The following NYAP2 variants were observed in gnomAD, a reference collection of about 807,000 sequenced individuals.
NYAP2 encodes neuronal tyrosine-phosphorylated phosphoinositide-3-kinase adaptor 2.
In NYAP2, 23 loss-of-function variants were observed where a neutral mutation model predicts 50.4. The observed-to-expected ratio is 0.46, with a 90% confidence interval of 0.33 to 0.65. The LOEUF is 0.65. NYAP2 is among the 30% of genes least tolerant of loss of function. The probability of loss-of-function intolerance (pLI) is 0.02; values close to 1 mark genes in which losing one functional copy is unlikely to be tolerated. For missense variants in NYAP2, 885 were observed against 861.0 expected, an observed-to-expected ratio of 1.03 and a Z score of -0.35; for synonymous variants, 394 against 365.2, an observed-to-expected ratio of 1.08 and a Z score of -0.90.
intron 3 of NYAP2, among the ~76,000 whole-genome samples, chr2:225,440,423 C>T (rs10184030): frequency 0.058 from 8,874 of 152,172 alleles, 744 homozygotes; most frequent in African/African-American, 0.18. Flanking sequence ...TGGGATATGA[C>T]GGTTTGTGTT....
upstream of NYAP2, among the ~76,000 whole-genome samples, chr2:225,399,478 G>A (rs530133482): frequency 5.3e-5 from 8 of 151,952 alleles, no homozygotes; most frequent in Admixed American, 2.6e-4. Context: ...TTAACAATGA[G>A]TCTATAGGAA....
chr2:225,655,432 G>C (rs766239015), downstream of NYAP2, among the ~76,000 whole-genome samples: 1 of 152,136 alleles, frequency 6.6e-6, no homozygotes, highest in Non-Finnish European at 1.5e-5. Context: ...TTGGAAATCA[G>C]ACTGAATTTT....
At chr2:225,493,309 T>A (rs1376273906) in intron 3 of NYAP2, among the ~76,000 whole-genome samples, 2 of 152,180 alleles carry the variant, frequency 1.3e-5, no homozygotes, top group Admixed American at 1.3e-4. Flanking sequence ...TATGTTTTTT[T>A]AAAAAGTCTG....
chr2:225,672,250 T>G, the NYAP2 span, among the ~76,000 whole-genome samples: 1 of 152,128 alleles, frequency 6.6e-6, no homozygotes, highest in Non-Finnish European at 1.5e-5. Context: ...CCTTCATCAG[T>G]TATTTTAGCT....
chr2:225,582,541 C>T lies in NYAP2; in HGVS notation c.1124C>T (p.Pro375Leu). ...GAAAACGTGTCTTACATGAAACAGC[C>T]AGCCGGGGCGTCGCCCTCCACGCTG... Residue 375 changes from proline (P) to leucine (L), a missense_variant, in exon 5 of 7, where the codon CCA becomes CTA. Pro to Leu is a moderately conservative substitution (Grantham distance 98, BLOSUM62 -3). Coordinates refer to ENST00000636099, the Ensembl canonical transcript of NYAP2. This position sits in a 1 kb window ranked among gnomAD's most constrained non-coding sequence, Gnocchi z 7.0. 6.3e-7 allele frequency: 1 copy of T among 1,575,662 alleles called. No individual in the cohort carries two copies. The highest frequency in any genetic ancestry group is 1.2e-5 in the South Asian group (1 of 85,178).
At chr2:225,498,951 C>A (rs573974683) in intron 3 of NYAP2, among the ~76,000 whole-genome samples, 4 of 151,828 alleles carry the variant, frequency 2.6e-5, no homozygotes, top group Non-Finnish European at 4.4e-5. Flanking sequence ...GTTGAGAGGG[C>A]GAATAGATGT....
chr2:225,694,438 C>T, the NYAP2 span, among the ~76,000 whole-genome samples: 1 of 151,578 alleles, frequency 6.6e-6, no homozygotes, highest in African/African-American at 2.4e-5. Flanking sequence ...ATATCCAAAA[C>T]AATGAATGAA....
chr2:225,575,031 G>A (rs1409181542), intron 4 of NYAP2, among the ~76,000 whole-genome samples: 3 of 152,054 alleles, frequency 2.0e-5, no homozygotes, highest in South Asian at 2.1e-4. Context: ...TTAGTGCTCT[G>A]TCTCCTGCAA....
At chr2:225,403,197 A>G (rs1349608556) in intron 2 of NYAP2, among the ~76,000 whole-genome samples, 1 of 152,030 alleles carries the variant, frequency 6.6e-6, no homozygotes, top group African/African-American at 2.4e-5. Context: ...AAGAAGATGC[A>G]ATGATTGGAG....
At position 225,465,165 on chromosome 2, in the gene NYAP2, G is replaced by C. The variant is rs143207085; in HGVS notation, c.222-48206G>C. On this transcript the variant is annotated intron_variant, in intron 3 of 6. Transcript: ENST00000636099. ...CAAAAGCAAATAGATGAGAAGTGGAGGACATATCGACTTACCCTTTGGGCA... is the reference window on the plus strand; with the variant it reads ...CAAAAGCAAATAGATGAGAAGTGGACGACATATCGACTTACCCTTTGGGCA... Among the ~76,000 whole-genome samples the C allele has an allele frequency of 1.1e-4, 17 of 152,248 alleles. No homozygotes were observed. The Middle Eastern group carries it at 0.01, about 91-fold the overall frequency.
chr2:225,671,151 C>G, the NYAP2 span, among the ~76,000 whole-genome samples: 1 of 152,054 alleles, frequency 6.6e-6, no homozygotes, highest in East Asian at 1.9e-4. Flanking sequence ...CAAAAGATTC[C>G]TCTGTAGAAT....
chr2:225,694,647 T>G, the NYAP2 span, among the ~76,000 whole-genome samples: 3 of 151,976 alleles, frequency 2.0e-5, no homozygotes, highest in Admixed American at 1.3e-4. Context: ...CTATGTTTAT[T>G]TATCACATCT....
At chr2:225,666,841 C>G in the NYAP2 span, among the ~76,000 whole-genome samples, 26 of 144,568 alleles carry the variant, frequency 1.8e-4, no homozygotes, top group East Asian at 1.1e-3. Flanking sequence ...TATTCCCCCC[C>G]CTCCATGCCC....
chr2:225,632,419 T>C (rs963006288), intron 6 of NYAP2, among the ~76,000 whole-genome samples: 1 of 152,204 alleles, frequency 6.6e-6, no homozygotes, highest in Non-Finnish European at 1.5e-5. Context: ...CACACTGATA[T>C]ACATACAAAC....
exon 7 of NYAP2, chr2:225,651,669 G>A: frequency 1.7e-6 from 2 of 1,144,616 alleles, no homozygotes; most frequent in East Asian, 2.4e-5. Context: ...TATGGGTTAG[G>A]GGATGCGGGG....
chr2:225,434,476 T>C (rs533160678), intron 3 of NYAP2, among the ~76,000 whole-genome samples: 14 of 152,348 alleles, frequency 9.2e-5, no homozygotes, highest in Non-Finnish European at 1.8e-4. Flanking sequence ...ATTCTTTGAA[T>C]TTTCATGAAG....
At chr2:225,494,435 A>G (rs1256324860) in intron 3 of NYAP2, among the ~76,000 whole-genome samples, 1 of 152,216 alleles carries the variant, frequency 6.6e-6, no homozygotes, top group Non-Finnish European at 1.5e-5. Flanking sequence ...CATTCATTGT[A>G]TAGGTCCAGT....
intron 4 of NYAP2, among the ~76,000 whole-genome samples, chr2:225,533,826 T>G (rs763194890): frequency 9.9e-5 from 15 of 152,220 alleles, no homozygotes; most frequent in Non-Finnish European, 2.1e-4. Flanking sequence ...ATTTTGTAAT[T>G]TAATTTTTTC....
intron 5 of NYAP2, among the ~76,000 whole-genome samples, chr2:225,605,544 A>G (rs1375267283): frequency 2.6e-5 from 4 of 152,148 alleles, no homozygotes; most frequent in South Asian, 4.1e-4. Flanking sequence ...GTAAAAAATC[A>G]GAATTTAATA....
Sources: allele counts gnomAD v4.1 joint callset (sites outside exome capture counted in the v4.1 genomes callset), GRCh38; gene constraint gnomAD v4.1.1; non-coding constraint Gnocchi (gnomAD v3.1); transcripts MANE v1.5; gene names NCBI Gene and HGNC (gene_info 2026-07-23, HGNC 2026-07-21).